NAALAD2: variants seen among roughly 807,000 people sequenced by gnomAD.
NAALAD2 encodes N-acetylated-alpha-linked acidic dipeptidase 2.
A neutral mutation model predicts 95.6 loss-of-function variants in NAALAD2; 89 were observed. That is an observed-to-expected ratio of 0.93 (90% CI 0.78 to 1.11). The LOEUF (loss-of-function observed/expected upper bound fraction) is 1.11, where lower values mean the gene tolerates loss of function less well. NAALAD2 is among the 50% of genes least tolerant of loss of function. NAALAD2 has a pLI of 0.00. For synonymous variants in NAALAD2, 264 were observed against 294.4 expected (o/e 0.90, Z 1.06); for missense variants, 894 against 872.4 (o/e 1.02, Z -0.31).
At chr11:90,150,453 G>A (rs1243615630) in intron 4 of NAALAD2, 29 bp from the exon 5 acceptor site, 5 of 1,418,540 alleles carry the variant, frequency 3.5e-6, no homozygotes, top group South Asian at 1.3e-5. Flanking sequence ...AATTTTAGCA[G>A]TATTATATAT....
In NAALAD2 at chr11:90,152,284, C is replaced by T. The variant is rs755926818; in HGVS notation, c.610-14C>T. The T allele has an allele frequency of 5.7e-5, 89 of 1,573,598 alleles. 1 individual carries two copies. In the South Asian group the frequency reaches 8.2e-4, roughly 14 times the overall value. On this transcript the variant is annotated splice_polypyrimidine_tract_variant and intron_variant, in intron 5 of 18. Coordinates refer to ENST00000534061, the MANE Select transcript of NAALAD2 (RefSeq NM_005467.4). ...TGCCATATCTGCATTATGAATTGCA[C>T]ATTGCCCCTGCAGGTTAAAAATGCC...
At position 90,167,128 on chromosome 11, in the gene NAALAD2, G is replaced by T. The variant is rs184532260; in HGVS notation, c.1279-1801G>T. On this transcript the variant is annotated intron_variant, in intron 11 of 18. Transcript: ENST00000534061. ...CCTTCAGCCCGCCGCTGCACTGTGG[G>T]AGCCCCTTTCTGGGCTGGCCAAGGC... 1.4e-3 allele frequency among the ~76,000 whole-genome samples: 216 copies of T among 152,344 alleles called. 1 individual carries two copies. Among genetic ancestry groups the T allele is most frequent in the African/African-American group, 4.8e-3 (201 of 41,592 alleles).
Position 90,191,908 on chromosome 11 carries a change from C to A in NAALAD2, c.*161C>A. 2.3e-6 allele frequency: 1 copy of A among 430,124 alleles called. No homozygotes were observed. Among genetic ancestry groups the A allele is most frequent in the Non-Finnish European group, 3.8e-6 (1 of 260,012 alleles). 26.6% of individuals were successfully genotyped at this position (430,124 alleles called of 1,614,324 possible). A position where few individuals can be genotyped will look rare whatever the true frequency, so the allele number is the denominator to read the frequency against. On this transcript the variant is annotated 3_prime_UTR_variant, in exon 19 of 19. Coordinates refer to ENST00000534061, the MANE Select transcript of NAALAD2 (RefSeq NM_005467.4). ...ATCTGCAAAGCCTTTTTTTTTTGCT[C>A]TTTAAAAGTTAATAATTATATTAGC...
intron 2 of NAALAD2, among the ~76,000 whole-genome samples, chr11:90,146,435 T>C (rs957316506): frequency 3.9e-5 from 5 of 126,802 alleles, no homozygotes; most frequent in Non-Finnish European, 7.9e-5. Context: ...CTCGGCTCAC[T>C]GCAACCTCCG....
intron 11 of NAALAD2, among the ~76,000 whole-genome samples, 154 bp from the exon 12 acceptor site, chr11:90,168,775 C>T (rs1355625544): frequency 4.6e-5 from 7 of 152,152 alleles, no homozygotes; most frequent in Non-Finnish European, 2.9e-5. Context: ...TGGTTTTCTG[C>T]ATTTTCTCAG....
intron 11 of NAALAD2, among the ~76,000 whole-genome samples, chr11:90,168,685 C>A (rs939635222): frequency 6.6e-6 from 1 of 152,072 alleles, no homozygotes; most frequent in Non-Finnish European, 1.5e-5. Context: ...TTAGGGCTCT[C>A]TGCTATTGCT....
intron 8 of NAALAD2, among the ~76,000 whole-genome samples, chr11:90,160,178 TTG>T (rs1307613436): frequency 6.6e-6 from 1 of 152,098 alleles, no homozygotes; most frequent in Admixed American, 6.6e-5. Context: ...TGATCACAAA[TTG>T]TGTGTTTATT....
chr11:90,154,874 G>T (rs570168054), intron 6 of NAALAD2, among the ~76,000 whole-genome samples: 3 of 115,484 alleles, frequency 2.6e-5, no homozygotes, highest in Admixed American at 1.0e-4. Flanking sequence ...TATTATATAC[G>T]TATACATAAT....
At chr11:90,169,727 G>T (rs1952579213) in intron 12 of NAALAD2, 1 of 254,742 alleles carries the variant, frequency 3.9e-6, no homozygotes, top group South Asian at 5.7e-5. Context: ...ATATACTATT[G>T]CATAGAATGA....
At chr11:90,134,105 A>G (rs1338899678), upstream of NAALAD2, among the ~76,000 whole-genome samples, 1 of 152,196 alleles carries the variant, frequency 6.6e-6, no homozygotes, top group Non-Finnish European at 1.5e-5. Context: ...GATTACTTTT[A>G]CTAATGTGAA....
intron 3 of NAALAD2, 118 bp downstream of exon 3, chr11:90,147,634 T>C (rs1457618413): frequency 6.5e-6 from 6 of 919,976 alleles, no homozygotes; most frequent in Non-Finnish European, 8.1e-6. Flanking sequence ...GTATCCACTA[T>C]GTGTTCGACA....
chr11:90,155,249 GTATAA>G (rs1032450561), intron 6 of NAALAD2, among the ~76,000 whole-genome samples: 3 of 118,070 alleles, frequency 2.5e-5, no homozygotes, highest in South Asian at 2.5e-4. Context: ...TTATATACAT[GTATAA>G]TATATGTATA....
Position 90,149,041 on chromosome 11 carries a change from T to G in NAALAD2, c.417T>G (p.Asp139Glu). 1 of 1,607,238 alleles carries G rather than the reference T, an allele frequency of 6.2e-7. No individual in the cohort carries two copies. Among genetic ancestry groups the G allele is most frequent in the Non-Finnish European group, 8.5e-7 (1 of 1,177,030 alleles). ...CATCATACCTTGAACCACCACCAGA[T>G]GGCTATGAGAATGTTACAAATATTG... ...FKTSYLEPPP[D>E]GYENVTNIVP... The change falls in exon 4 of 19, where the codon GAT becomes GAG. Residue 139 changes from aspartate (D) to glutamate (E), a missense_variant. By Grantham distance (45) the Asp-to-Glu change is conservative (BLOSUM62 2). Transcript: ENST00000534061.
upstream of NAALAD2, among the ~76,000 whole-genome samples, chr11:90,133,715 T>C (rs1322452313): frequency 7.9e-5 from 12 of 152,250 alleles, no homozygotes; most frequent in Non-Finnish European, 1.3e-4. Flanking sequence ...CAAAGTCTGT[T>C]GGCCCTACAG....
rs369997529 is a variant in NAALAD2 at position 90,185,084 on chromosome 11, C to T, written c.2033+2076C>T. The stretch of plus-strand genomic sequence containing the variant: ...TTGAGCATCCTTAAATTCTGGTATC[C>T]AAAGGGGATTCTGGAACCAATCCCC... On this transcript the variant is annotated intron_variant, in intron 18 of 18. Transcript: ENST00000534061. Among the ~76,000 whole-genome samples, 31 of 151,750 alleles carry T rather than the reference C, an allele frequency of 2.0e-4. 1 individual carries two copies. The highest frequency in any genetic ancestry group is 7.3e-4 in the African/African-American group (30 of 41,294).
At chr11:90,180,411 A>G (rs1006255324) in intron 16 of NAALAD2, among the ~76,000 whole-genome samples, 3 of 152,140 alleles carry the variant, frequency 2.0e-5, no homozygotes, top group Non-Finnish European at 4.4e-5. Flanking sequence ...ACTAAAATCT[A>G]GGACTAAAAT....
intron 2 of NAALAD2, 147 bp downstream of exon 2, chr11:90,135,817 C>A (rs1166158012): frequency 1.8e-6 from 1 of 554,762 alleles, no homozygotes; most frequent in Non-Finnish European, 3.0e-6. Context: ...TTTTTAATGT[C>A]TCTTTACACC....
At chr11:90,155,621 CAT>C (rs1242147745) in intron 6 of NAALAD2, among the ~76,000 whole-genome samples, 3 of 83,500 alleles carry the variant, frequency 3.6e-5, no homozygotes, top group African/African-American at 1.5e-4. Flanking sequence ...ATATAAATTA[CAT>C]ATATATTAAT....
intron 18 of NAALAD2, among the ~76,000 whole-genome samples, chr11:90,184,727 C>T (rs1857075487): frequency 6.6e-6 from 1 of 151,962 alleles, no homozygotes; most frequent in Admixed American, 6.6e-5. Flanking sequence ...TCTTTATTCT[C>T]TTCAGTGAAA....
Sources: allele counts gnomAD v4.1 joint callset (sites outside exome capture counted in the v4.1 genomes callset), GRCh38; gene constraint gnomAD v4.1.1; transcripts MANE v1.5; gene names NCBI Gene and HGNC (gene_info 2026-07-23, HGNC 2026-07-21).